Variants in IGSF10 observed in about 807,000 individuals in gnomAD.
The protein encoded by IGSF10 is immunoglobulin superfamily member 10, also known as calvaria mechanical force protein 608.
IGSF10 carries 126 observed loss-of-function variants against 128.2 expected under a neutral mutation model. That is an observed-to-expected ratio of 0.98 (90% CI 0.85 to 1.14). The LOEUF (loss-of-function observed/expected upper bound fraction) is 1.14. Ranked by LOEUF, IGSF10 falls within the 50% of genes most tolerant of loss-of-function variation. The pLI is 0.00. For synonymous variants in IGSF10, 1,185 were observed against 1,146.2 expected (o/e 1.03, Z -0.68); for missense variants, 3,295 against 3,149.8 (o/e 1.05, Z -1.10).
the IGSF10 span, among the ~76,000 whole-genome samples, chr3:151,544,231 C>T: frequency 6.6e-6 from 1 of 152,156 alleles, no homozygotes; most frequent in Admixed American, 6.5e-5. Flanking sequence ...TTTAATATTT[C>T]CAGTGTACTC....
chr3:151,474,931 T>C, the IGSF10 span, among the ~76,000 whole-genome samples: 1 of 152,180 alleles, frequency 6.6e-6, no homozygotes, highest in African/African-American at 2.4e-5. Flanking sequence ...CATGATTCAA[T>C]TACCTCCCAC....
chr3:151,573,801 T>C, the IGSF10 span, among the ~76,000 whole-genome samples: 2 of 152,246 alleles, frequency 1.3e-5, no homozygotes, highest in Non-Finnish European at 2.9e-5. Flanking sequence ...TGCCTGTTAG[T>C]TGATGCAGTT....
At chr3:151,495,004 A>G in the IGSF10 span, among the ~76,000 whole-genome samples, 1 of 152,144 alleles carries the variant, frequency 6.6e-6, no homozygotes, top group African/African-American at 2.4e-5. Flanking sequence ...CCCAGACAGT[A>G]TATGCAAGGT....
chr3:151,438,065 T>G lies in IGSF10; in HGVS notation c.6496A>C (p.Thr2166Pro). ...AATATTTTTGGTTTGGGATCCCCAG[T>G]GACCTCACAGTCAAGGACAGCTGTG... ...GDTAVLDCEV[T>P]GDPKPKIFWL... Residue 2166 changes from threonine (T) to proline (P), a missense_variant, in exon 8 of 8, where the codon ACT (threonine) becomes CCT (proline). Thr to Pro is a conservative substitution (Grantham distance 38). Transcript: ENST00000282466. The G allele has an allele frequency of 6.2e-7, 1 of 1,614,240 alleles. No homozygotes were observed. Among genetic ancestry groups the G allele is most frequent in the Non-Finnish European group, 8.5e-7 (1 of 1,180,044 alleles).
At position 151,437,660 on chromosome 3, in the gene IGSF10, TAATTTCCA is replaced by T. The variant is rs1720472281; in HGVS notation, c.6893_6900del (p.Leu2298Ter). On this transcript the variant is annotated frameshift_variant, in exon 8 of 8. Coordinates refer to ENST00000282466, the MANE Select transcript of IGSF10 (RefSeq NM_178822.5). LOFTEE classifies it low-confidence loss of function (END_TRUNC). ...GCTGAATCTGAAAGCCTCACATTCC[TAATTTCCA>T]AGGTTCCATTTTTATGGACTGTGAT... The T allele has an allele frequency of 6.2e-7, 1 of 1,614,102 alleles. No homozygotes were observed. Among genetic ancestry groups the T allele is most frequent in the Admixed American group, 1.7e-5 (1 of 60,016 alleles).
rs1720483453 is a variant in IGSF10, at chr3:151,437,746, A to G, written c.6815T>C (p.Met2272Thr). Residue 2272 changes from methionine (M) to threonine (T), a missense_variant, in exon 8 of 8, where the codon ATG becomes ACG. Physicochemically the swap from Met to Thr is moderately conservative, Grantham distance 81. Transcript: ENST00000282466. The part of the protein sequence containing the change: ...RAEGTPSPEV[M>T]WIMPDNIFLT... ...GAAAATATTGTCTGGCATGATCCAC[A>G]TGACTTCAGGAGATGGTGTCCCTTC... The G allele has an allele frequency of 2.5e-6, 4 of 1,614,006 alleles. No homozygotes were observed. The highest frequency in any genetic ancestry group is 3.4e-6 in the Non-Finnish European group (4 of 1,179,982).
At chr3:151,618,799 A>G in the IGSF10 span, among the ~76,000 whole-genome samples, 2 of 147,436 alleles carry the variant, frequency 1.4e-5, no homozygotes, top group Non-Finnish European at 3.0e-5. Flanking sequence ...TAAAATAAAT[A>G]AAAAATAAAA....
At chr3:151,619,210 T>TAAAC in the IGSF10 span, among the ~76,000 whole-genome samples, 1 of 152,140 alleles carries the variant, frequency 6.6e-6, no homozygotes, top group Non-Finnish European at 1.5e-5. Flanking sequence ...AGATATCAAC[T>TAAAC]AAACACTAGC....
chr3:151,443,313 G>A lies in IGSF10; in HGVS notation c.5634C>T (p.Leu1878=). The part of the protein sequence containing the change: ...GTPQPSVYWV[L]SDGTEVKPLQ... Reference sequence around the variant, plus strand: ...ATGGTTTCACTTCAGTGCCATCAGAGAGGACCCAGTAAACGCTGGGCTGAG... The same window carrying A: ...ATGGTTTCACTTCAGTGCCATCAGAAAGGACCCAGTAAACGCTGGGCTGAG... The change falls in exon 7 of 8, where the codon CTC becomes CTT. Residue 1878 remains leucine, a synonymous_variant. Transcript: ENST00000282466. The A allele has an allele frequency of 6.2e-7, 1 of 1,614,162 alleles. No homozygotes were observed. Among genetic ancestry groups the A allele is most frequent in the Non-Finnish European group, 8.5e-7 (1 of 1,180,002 alleles).
chr3:151,456,955 AG>A, intron 4 of IGSF10, 70 bp downstream of exon 4: 1 of 1,466,014 alleles, frequency 6.8e-7, no homozygotes, highest in South Asian at 1.2e-5. Flanking sequence ...AGAGATAGGC[AG>A]CCTTTGAAGG....
upstream of IGSF10, among the ~76,000 whole-genome samples, chr3:151,463,535 T>TTG: frequency 1.9e-5 from 1 of 52,156 alleles, no homozygotes. Context: ...TTTTTTTTTT[T>TTG]TTTTTTTTTT....
At chr3:151,598,142 T>A in the IGSF10 span, among the ~76,000 whole-genome samples, 1 of 151,216 alleles carries the variant, frequency 6.6e-6, no homozygotes, top group Non-Finnish European at 1.5e-5. Flanking sequence ...ATATTCATTT[T>A]TTTGCTTCTT....
Position 151,438,533 on chromosome 3 carries a change from CT to C in IGSF10, c.6027del (p.Asp2010ThrfsTer17), listed in dbSNP as rs967058408. 5.0e-6 allele frequency: 8 copies of C among 1,613,882 alleles called. No homozygotes were observed. Among genetic ancestry groups the C allele is most frequent in the Non-Finnish European group, 6.8e-6 (8 of 1,180,040 alleles). On this transcript the variant is annotated frameshift_variant, in exon 8 of 8. Transcript: ENST00000282466. LOFTEE classifies it low-confidence loss of function (END_TRUNC). ...GSLFIGSVTEKDSGVYLCVAR... is the reference protein window; with the variant it reads ...GSLFIGSVTEXDSGVYLCVAR... The stretch of plus-strand genomic sequence containing the variant: ...GCCACACACAAGTAGACACCACTGT[CT>C]TTTTCTGTTACTGATCCAATAAACA...
the IGSF10 span, among the ~76,000 whole-genome samples, chr3:151,484,000 C>T: frequency 6.6e-6 from 1 of 152,206 alleles, no homozygotes; most frequent in Admixed American, 6.5e-5. Flanking sequence ...GCCAAGTGGT[C>T]TGGCTCAGCG....
At position 151,447,438 on chromosome 3, in the gene IGSF10, G is replaced by A; in HGVS notation, c.2543C>T (p.Ser848Leu). 1.2e-6 allele frequency: 2 copies of A among 1,614,130 alleles called. No individual in the cohort carries two copies. Among genetic ancestry groups the A allele is most frequent in the Non-Finnish European group, 1.7e-6 (2 of 1,179,980 alleles). ...GGGTTCTTCAGGTGGTAGTATTTGT[G>A]AATTCACAACAGGAGAGAATTCTGT... Reference protein sequence around the residue: ...YGTEFSPVVNSQILPPEEPTD... With the variant: ...YGTEFSPVVNLQILPPEEPTD... The change falls in exon 6 of 8, where the codon TCA (serine) becomes TTA (leucine). Residue 848 changes from serine to leucine, a missense_variant. Transcript: ENST00000282466.
chr3:151,511,311 C>T, the IGSF10 span, among the ~76,000 whole-genome samples: 2 of 152,186 alleles, frequency 1.3e-5, no homozygotes, highest in African/African-American at 4.8e-5. Flanking sequence ...GGCCAATATT[C>T]AACATTCTTA....
At chr3:151,485,541 C>A in the IGSF10 span, among the ~76,000 whole-genome samples, 2 of 152,250 alleles carry the variant, frequency 1.3e-5, no homozygotes, top group Admixed American at 6.5e-5. Context: ...ATGTAAAGGG[C>A]AGCAAGATAG....
At chr3:151,519,514 T>C in the IGSF10 span, among the ~76,000 whole-genome samples, 1 of 151,804 alleles carries the variant, frequency 6.6e-6, no homozygotes, top group East Asian at 1.9e-4. Context: ...TATATTAATA[T>C]GACTGGGAGT....
chr3:151,480,630 G>A, the IGSF10 span, among the ~76,000 whole-genome samples: 3 of 151,800 alleles, frequency 2.0e-5, no homozygotes, highest in South Asian at 2.1e-4. Context: ...CCTGAGGCTC[G>A]GCTGCCACTG....
Sources: gnomAD v4.1 joint callset for allele counts (sites outside exome capture counted in the v4.1 genomes callset) on GRCh38, gnomAD v4.1.1 for gene constraint, MANE v1.5 for transcripts, NCBI Gene and HGNC (gene_info 2026-07-23, HGNC 2026-07-21) for gene names.